The following HMCN1 variants were observed in gnomAD, a reference collection of about 807,000 sequenced individuals.
HMCN1 encodes hemicentin-1.
HMCN1 carries 321 observed loss-of-function variants against 625.9 expected under a neutral mutation model. The ratio of observed to expected loss-of-function variants is 0.51; its 90% confidence interval spans 0.47 to 0.56. HMCN1 has a LOEUF of 0.56. HMCN1 is among the 20% of genes least tolerant of loss of function. The pLI is 0.00. For synonymous variants in HMCN1, 2,425 were observed against 2,417.6 expected (o/e 1.00, Z -0.09); for missense variants, 6,588 against 6,887.3 (o/e 0.96, Z 1.54).
chr1:186,086,821 TA>T lies in HMCN1; in HGVS notation c.9047-395del, dbSNP rs112788722. 8.3e-4 allele frequency among the ~76,000 whole-genome samples: 17 copies of T among 20,588 alleles called. No homozygotes were observed. In the East Asian group the frequency reaches 0.014, roughly 17 times the overall value. 13.5% of individuals were successfully genotyped at this position (20,588 alleles called of 152,430 possible). ...GATAGATAGATAGATAGATGATAGA[TA>T]GATAGATAGATAGATAGATAGATAG... is the stretch of plus-strand genomic sequence containing the variant. On this transcript the variant is annotated intron_variant, in intron 58 of 106. Coordinates refer to ENST00000271588, the MANE Select transcript of HMCN1 (RefSeq NM_031935.3).
chr1:186,048,427 T>A (rs1398363500), intron 41 of HMCN1, among the ~76,000 whole-genome samples: 1 of 152,146 alleles, frequency 6.6e-6, no homozygotes, highest in African/African-American at 2.4e-5. Flanking sequence ...GGATTTCATA[T>A]TTTAAAGTCT....
chr1:185,779,164 A>G (rs1033943782), intron 1 of HMCN1, among the ~76,000 whole-genome samples: 7 of 152,096 alleles, frequency 4.6e-5, no homozygotes, highest in African/African-American at 1.7e-4. Context: ...GTGTCTGTTC[A>G]TATCCTTCGC....
In HMCN1 at chr1:185,989,577, T is replaced by A; in HGVS notation, c.3138T>A (p.Ser1046Arg). The change falls in exon 21 of 107, where the codon AGT (serine) becomes AGA (arginine). Residue 1046 changes from serine (S) to arginine (R), a missense_variant. Ser to Arg is a moderately radical substitution (Grantham distance 110). Coordinates refer to ENST00000271588, the MANE Select transcript of HMCN1 (RefSeq NM_031935.3). Reference sequence around the variant, plus strand: ...TGGTATCACCTGGAGGAGAGGAGAGTGGGGAGTATGTCTGCACTGCCACCA... The same window carrying A: ...TGGTATCACCTGGAGGAGAGGAGAGAGGGGAGTATGTCTGCACTGCCACCA... ...LYVVSPGGEE[S>R]GEYVCTATNT... is the part of the protein sequence containing the mutation. The A allele has an allele frequency of 2.5e-6, 4 of 1,613,768 alleles. No homozygotes were observed. The highest frequency in any genetic ancestry group is 3.4e-6 in the Non-Finnish European group (4 of 1,179,928).
At position 186,094,359 on chromosome 1, in the gene HMCN1, A is replaced by G. The variant is rs903500513; in HGVS notation, c.10280A>G (p.Asn3427Ser). 3.3e-5 allele frequency: 53 copies of G among 1,612,338 alleles called. No individual in the cohort carries two copies. Among genetic ancestry groups the G allele is most frequent in the African/African-American group, 4.0e-5 (3 of 74,848 alleles). ...GCTGGGGTGGATAATAAGCATTACA[A>G]TCTTCAAGTGTTTGGTATGTGTCAC... ...NRAGVDNKHY[N>S]LQVFAPPNMD... Residue 3427 changes from asparagine to serine, a missense_variant, in exon 67 of 107, where the codon AAT (asparagine) becomes AGT (serine). Physicochemically the swap from Asn to Ser is conservative, Grantham distance 46 (BLOSUM62 1). This residue lies in a region of HMCN1 where 4,628 missense variants were observed against 4,853.1 expected (regional missense o/e 0.95). Coordinates refer to ENST00000271588, the MANE Select transcript of HMCN1 (RefSeq NM_031935.3).
chr1:185,904,269 T>C (rs1665973373), intron 4 of HMCN1, among the ~76,000 whole-genome samples: 1 of 151,856 alleles, frequency 6.6e-6, no homozygotes, highest in African/African-American at 2.4e-5. Flanking sequence ...CTCTTCTGGT[T>C]ATCCAGAGGG....
Position 185,978,919 on chromosome 1 carries a change from G to C in HMCN1, c.2566+938G>C, listed in dbSNP as rs528431345. ...TGGTCTCGAATTCTTGACCTCAAAT[G>C]ATCCACCCACATCGTCTTCCCAAAG... On this transcript the variant is annotated intron_variant, in intron 16 of 106. Transcript: ENST00000271588. Among the ~76,000 whole-genome samples the C allele has an allele frequency of 5.3e-5, 8 of 152,258 alleles. No individual in the cohort carries two copies. The South Asian group carries it at 1.5e-3, about 28-fold the overall frequency.
chr1:186,061,136 GC>G (rs1657665943), intron 46 of HMCN1, among the ~76,000 whole-genome samples: 1 of 151,900 alleles, frequency 6.6e-6, no homozygotes, highest in South Asian at 2.1e-4. Context: ...ACTCACAATA[GC>G]ATCTGTATTA....
At chr1:186,031,859 A>G (rs541578414) in intron 36 of HMCN1, among the ~76,000 whole-genome samples, 1 of 152,138 alleles carries the variant, frequency 6.6e-6, no homozygotes, top group South Asian at 2.1e-4. Flanking sequence ...CTTGATTAAC[A>G]TCTATATTTA....
At chr1:186,186,920 A>G (rs682568) in intron 105 of HMCN1, among the ~76,000 whole-genome samples, 32,441 of 150,418 alleles carry the variant, frequency 0.22, 3,930 homozygotes, top group Middle Eastern at 0.3. Context: ...TTCCTTAAGA[A>G]TTGTATTGAA....
At position 186,067,880 on chromosome 1, in the gene HMCN1, T is replaced by A. The variant is rs1658227569; in HGVS notation, c.7752T>A (p.Asp2584Glu). 1.2e-6 allele frequency: 2 copies of A among 1,613,146 alleles called. No individual in the cohort carries two copies. Among genetic ancestry groups the A allele is most frequent in the Non-Finnish European group, 1.7e-6 (2 of 1,179,118 alleles). The change falls in exon 50 of 107, where the codon GAT (aspartate) becomes GAA (glutamate). Residue 2584 changes from aspartate (D) to glutamate (E), a missense_variant. Asp to Glu is a conservative substitution (Grantham distance 45). Around this residue, in one of 3 missense-constraint regions of HMCN1, gnomAD observed 4,628 missense variants for 4,853.1 expected, o/e 0.95. Coordinates refer to ENST00000271588, the MANE Select transcript of HMCN1 (RefSeq NM_031935.3). The part of the protein sequence containing the change: ...AGVGSDGNPE[D>E]VTVILNSPTS... The stretch of plus-strand genomic sequence containing the variant: ...TAGGTAGTGATGGCAACCCTGAAGA[T>A]GTCACTGTCATCCTTAACAGCCCTA...
chr1:185,787,433 T>C (rs1159121506), intron 1 of HMCN1, among the ~76,000 whole-genome samples: 2 of 152,168 alleles, frequency 1.3e-5, no homozygotes, highest in African/African-American at 4.8e-5. Context: ...GCACACCCAG[T>C]GCCCAGATAC....
chr1:186,154,328 G>A (rs1216827530), intron 97 of HMCN1, among the ~76,000 whole-genome samples: 1 of 152,168 alleles, frequency 6.6e-6, no homozygotes, highest in Non-Finnish European at 1.5e-5. Context: ...AATCACCTGA[G>A]GTCAGGAGTT....
At chr1:186,012,031 T>C (rs1654033653) in intron 30 of HMCN1, among the ~76,000 whole-genome samples, 1 of 152,148 alleles carries the variant, frequency 6.6e-6, no homozygotes, top group Non-Finnish European at 1.5e-5. Context: ...GATATTCAGT[T>C]TGACTTCTGA....
chr1:186,070,078 C>T (rs1021320844), intron 51 of HMCN1, among the ~76,000 whole-genome samples: 1 of 152,176 alleles, frequency 6.6e-6, no homozygotes, highest in Non-Finnish European at 1.5e-5. Flanking sequence ...GTAGTACTTT[C>T]ATGTACAAAA....
chr1:186,039,896 C>A lies in HMCN1; in HGVS notation c.6180+17C>A, dbSNP rs1464087460. ...GGATTACAGGTACCTTCATTCATTT[C>A]TTTGGTGACATTTACCACCTGATTA... On this transcript the variant is annotated intron_variant, in intron 39 of 106. Transcript: ENST00000271588. 1.9e-6 allele frequency: 3 copies of A among 1,610,364 alleles called. No homozygotes were observed. Among genetic ancestry groups the A allele is most frequent in the African/African-American group, 1.3e-5 (1 of 74,782 alleles).
chr1:186,093,067 G>A lies in HMCN1; in HGVS notation c.9888-67G>A, dbSNP rs1659928761. ...CACTTTCAGTAACTGATTTTAATAGGCTTTCATGTACTTAGTGAAATAGAT... is the reference window on the plus strand; with the variant it reads ...CACTTTCAGTAACTGATTTTAATAGACTTTCATGTACTTAGTGAAATAGAT... On this transcript the variant is annotated intron_variant, in intron 64 of 106. Coordinates refer to ENST00000271588, the MANE Select transcript of HMCN1 (RefSeq NM_031935.3). The A allele has an allele frequency of 1.1e-5, 18 of 1,600,112 alleles. No individual in the cohort carries two copies. The South Asian group carries it at 1.9e-4, about 17-fold the overall frequency.
intron 11 of HMCN1, among the ~76,000 whole-genome samples, 153 bp from the exon 12 acceptor site, chr1:185,962,365 G>C (rs1267310387): frequency 6.6e-6 from 1 of 152,098 alleles, no homozygotes; most frequent in Non-Finnish European, 1.5e-5. Context: ...CATTACCATT[G>C]GTTTCTTTCC....
chr1:185,888,989 C>G (rs1305675875), intron 4 of HMCN1, among the ~76,000 whole-genome samples: 4 of 146,776 alleles, frequency 2.7e-5, no homozygotes, highest in South Asian at 4.2e-4. Flanking sequence ...TTTCCTTGAG[C>G]AGCGGTTTGT....
intron 104 of HMCN1, 25 bp downstream of exon 104, chr1:186,178,791 C>G: frequency 6.8e-7 from 1 of 1,464,498 alleles, no homozygotes; most frequent in Non-Finnish European, 9.6e-7. Context: ...TATTACATTT[C>G]CTTTCTGTGG....
Sources: allele counts gnomAD v4.1 joint callset (sites outside exome capture counted in the v4.1 genomes callset), GRCh38; gene constraint gnomAD v4.1.1; regional missense constraint gnomAD v4.1.1; transcripts MANE v1.5; gene names NCBI Gene and HGNC (gene_info 2026-07-23, HGNC 2026-07-21).